B4GALT6: variants seen among roughly 807,000 people sequenced by gnomAD.
The protein encoded by B4GALT6 is beta-1,4-galactosyltransferase 6, also known as UDP-Gal:beta-GlcNAc beta-1,4-galactosyltransferase 6.
A neutral mutation model predicts 46.3 loss-of-function variants in B4GALT6; 14 were observed. That is an observed-to-expected ratio of 0.30 (90% CI 0.20 to 0.47). The LOEUF is 0.47. B4GALT6 is among the 20% of genes least tolerant of loss of function. The probability of loss-of-function intolerance (pLI) is 0.99; values close to 1 mark genes in which losing one functional copy is unlikely to be tolerated. For synonymous variants in B4GALT6, 168 were observed against 162.0 expected (o/e 1.04, Z -0.28); for missense variants, 386 against 480.1 (o/e 0.80, Z 1.83).
In B4GALT6 at chr18:31,651,347, G is replaced by T. The variant is rs564743395; in HGVS notation, c.347-5868C>A. ...AACATATTGCCTCAAGCATAGTAAGGTTTCAGCAAAAACAAGTGTCACTTT... is the reference window on the plus strand; with the variant it reads ...AACATATTGCCTCAAGCATAGTAAGTTTTCAGCAAAAACAAGTGTCACTTT... On this transcript the variant is annotated intron_variant, in intron 3 of 8. Coordinates refer to ENST00000306851, the MANE Select transcript of B4GALT6 (RefSeq NM_004775.5). 2.4e-4 allele frequency among the ~76,000 whole-genome samples: 36 copies of T among 152,200 alleles called. 1 individual carries two copies. The highest frequency in any genetic ancestry group is 1.7e-3 in the East Asian group (9 of 5,156).
chr18:31,711,643 G>A, the B4GALT6 span, among the ~76,000 whole-genome samples: 120 of 151,992 alleles, frequency 7.9e-4, no homozygotes, highest in Non-Finnish European at 1.5e-3. Context: ...TTAGTTTTTC[G>A]TTCATGTTCT....
At chr18:31,631,218 T>TC in intron 5 of B4GALT6, 72 bp from the exon 6 acceptor site, 6 of 1,315,830 alleles carry the variant, frequency 4.6e-6, no homozygotes, top group Non-Finnish European at 5.1e-6. Flanking sequence ...TTTTTTTTCT[T>TC]TTTTTTGGTA....
intron 5 of B4GALT6, among the ~76,000 whole-genome samples, chr18:31,635,298 G>A (rs114856253): frequency 1.3e-5 from 2 of 151,674 alleles, no homozygotes; most frequent in African/African-American, 4.8e-5. Flanking sequence ...ACATTATGGG[G>A]AATTGAAGTT....
intron 3 of B4GALT6, among the ~76,000 whole-genome samples, chr18:31,649,804 T>C (rs953803884): frequency 2.6e-5 from 4 of 152,218 alleles, no homozygotes; most frequent in Non-Finnish European, 5.9e-5. Context: ...TATACACTGT[T>C]GGTGAGAATG....
At position 31,643,364 on chromosome 18, in the gene B4GALT6, T is replaced by C. The variant is rs181267109; in HGVS notation, c.471+1991A>G. Reference sequence around the variant, plus strand: ...CCCAGGCTAGAGCGCAGTGGTGCGATCTCGGCTCACTGCAGCTTCCACATC... The same window carrying C: ...CCCAGGCTAGAGCGCAGTGGTGCGACCTCGGCTCACTGCAGCTTCCACATC... On this transcript the variant is annotated intron_variant, in intron 4 of 8. Transcript: ENST00000306851. Among the ~76,000 whole-genome samples the C allele has an allele frequency of 2.3e-3, 350 of 152,300 alleles. 1 individual carries two copies. Among genetic ancestry groups the C allele is most frequent in the African/African-American group, 8.1e-3 (335 of 41,544 alleles).
intron 2 of B4GALT6, among the ~76,000 whole-genome samples, chr18:31,663,873 T>C (rs1399625806): frequency 1.3e-5 from 2 of 152,224 alleles, no homozygotes; most frequent in East Asian, 1.9e-4. Flanking sequence ...CTATAATAAT[T>C]ATTCGTAAAT....
chr18:31,662,001 GA>G (rs2074223117), intron 2 of B4GALT6, among the ~76,000 whole-genome samples: 2 of 152,178 alleles, frequency 1.3e-5, no homozygotes, highest in South Asian at 4.1e-4. Flanking sequence ...CCAACTCACA[GA>G]AGTGCTCGGC....
chr18:31,670,518 T>C (rs2074338849), intron 1 of B4GALT6, among the ~76,000 whole-genome samples: 2 of 152,184 alleles, frequency 1.3e-5, no homozygotes, highest in African/African-American at 4.8e-5. Flanking sequence ...GCTAATTGAG[T>C]TACATTCCTC....
At chr18:31,649,070 A>G (rs2074027471) in intron 3 of B4GALT6, among the ~76,000 whole-genome samples, 1 of 152,142 alleles carries the variant, frequency 6.6e-6, no homozygotes, top group African/African-American at 2.4e-5. Context: ...CATTTTTATG[A>G]CAAGATGGGA....
chr18:31,685,191 G>A (rs1253978386), upstream of B4GALT6, among the ~76,000 whole-genome samples: 6 of 149,770 alleles, frequency 4.0e-5, no homozygotes, highest in Non-Finnish European at 5.9e-5. Flanking sequence ...GCCGCCGCCA[G>A]CTGCCTGCCT....
At chr18:31,642,074 C>T (rs999676249) in intron 4 of B4GALT6, among the ~76,000 whole-genome samples, 5 of 152,196 alleles carry the variant, frequency 3.3e-5, no homozygotes, top group African/African-American at 1.2e-4. Context: ...TTTCCAGTAC[C>T]TCCAGGAGCA....
chr18:31,660,156 C>A (rs780571939), intron 2 of B4GALT6, among the ~76,000 whole-genome samples: 1 of 151,810 alleles, frequency 6.6e-6, no homozygotes, highest in African/African-American at 2.4e-5. Flanking sequence ...CAGGGTCTTG[C>A]CAGGCTGGTC....
At position 31,638,687 on chromosome 18, in the gene B4GALT6, A is replaced by G; in HGVS notation, c.545T>C (p.Leu182Pro). ...PIFFLHLIPM[L>P]QKQRLEFAFY... ...CGCAAATTCCAGCCGCTGCTTCTGG[A>G]GCATTGGAATCAGATGTAAGAAAAA... The change falls in exon 5 of 9, where the codon CTC becomes CCC. Residue 182 changes from leucine (L) to proline (P), a missense_variant. Leu to Pro is a moderately conservative substitution (Grantham distance 98). This residue lies in a region of B4GALT6 where 323 missense variants were observed against 438.9 expected (regional missense o/e 0.74). Coordinates refer to ENST00000306851, the MANE Select transcript of B4GALT6 (RefSeq NM_004775.5). 2.5e-6 allele frequency: 4 copies of G among 1,614,126 alleles called. No individual in the cohort carries two copies. Among genetic ancestry groups the G allele is most frequent in the Non-Finnish European group, 3.4e-6 (4 of 1,180,012 alleles).
At chr18:31,658,653 T>G (rs1264668531) in intron 2 of B4GALT6, among the ~76,000 whole-genome samples, 3 of 152,100 alleles carry the variant, frequency 2.0e-5, no homozygotes, top group African/African-American at 7.2e-5. Context: ...TTACATTAGG[T>G]CCATTATCTT....
At chr18:31,638,489 T>G (rs1033183254) in intron 5 of B4GALT6, among the ~76,000 whole-genome samples, 155 bp downstream of exon 5, 31 of 152,196 alleles carry the variant, frequency 2.0e-4, no homozygotes, top group African/African-American at 7.5e-4. Context: ...ATCGCGCCAC[T>G]GCATTCCAGC....
the B4GALT6 span, among the ~76,000 whole-genome samples, chr18:31,709,553 A>ATGTGTGTG: frequency 5.6e-4 from 71 of 126,806 alleles, no homozygotes; most frequent in African/African-American, 1.3e-3. Flanking sequence ...TAGGATATAT[A>ATGTGTGTG]TGTGTGTGTG....
chr18:31,686,648 A>G (rs1255164481), upstream of B4GALT6: 2 of 152,222 alleles, frequency 1.3e-5, no homozygotes, highest in Non-Finnish European at 2.9e-5. Flanking sequence ...CTATTTTGTA[A>G]CATTTTTAGA....
intron 1 of B4GALT6, among the ~76,000 whole-genome samples, chr18:31,674,344 A>G (rs1161522090): frequency 6.6e-6 from 1 of 152,236 alleles, no homozygotes; most frequent in African/African-American, 2.4e-5. Context: ...GACAAGGAAA[A>G]AGAAATCTTC....
upstream of B4GALT6, chr18:31,686,810 A>T (rs1437047039): frequency 6.6e-6 from 1 of 152,210 alleles, no homozygotes; most frequent in African/African-American, 2.4e-5. Context: ...CCCACTGTTC[A>T]TTTATCTTTA....
Sources: allele counts gnomAD v4.1 joint callset (sites outside exome capture counted in the v4.1 genomes callset), GRCh38; gene constraint gnomAD v4.1.1; regional missense constraint gnomAD v4.1.1; transcripts MANE v1.5; gene names NCBI Gene and HGNC (gene_info 2026-07-23, HGNC 2026-07-21).